GRIN2A: variants seen among roughly 807,000 people sequenced by gnomAD.
GRIN2A encodes glutamate receptor ionotropic, NMDA 2A.
Under a neutral mutation model 113.4 loss-of-function variants are expected in GRIN2A, and 22 were observed. That is an observed-to-expected ratio of 0.19 (90% CI 0.14 to 0.28). The LOEUF (loss-of-function observed/expected upper bound fraction) is 0.28. Among genes scored for constraint, GRIN2A ranks in the 10% least tolerant of loss-of-function variants. GRIN2A has a pLI of 1.00. For synonymous variants in GRIN2A, 827 were observed against 738.4 expected (o/e 1.12, Z -1.94); for missense variants, 1,502 against 1,887.0 (o/e 0.80, Z 3.78).
At chr16:9,980,447 C>G (rs911115407) in intron 2 of GRIN2A, among the ~76,000 whole-genome samples, 15 of 152,174 alleles carry the variant, frequency 9.9e-5, no homozygotes, top group Non-Finnish European at 2.1e-4. Flanking sequence ...CAGGGATCTA[C>G]AACTAGAAAT....
chr16:10,129,987 C>T (rs1285363106), intron 2 of GRIN2A, among the ~76,000 whole-genome samples: 3 of 152,102 alleles, frequency 2.0e-5, no homozygotes, highest in African/African-American at 7.2e-5. Flanking sequence ...CTGATGGTTT[C>T]TACATAGCAG....
At chr16:10,063,834 C>A (rs1464605986) in intron 2 of GRIN2A, among the ~76,000 whole-genome samples, 1 of 152,128 alleles carries the variant, frequency 6.6e-6, no homozygotes, top group African/African-American at 2.4e-5. Context: ...CAGTAGCCTT[C>A]ATTTCTTGCA....
intron 2 of GRIN2A, among the ~76,000 whole-genome samples, chr16:10,051,033 T>C (rs1362099123): frequency 6.6e-6 from 1 of 152,166 alleles, no homozygotes; most frequent in Non-Finnish European, 1.5e-5. Context: ...CTCGAGAGCA[T>C]GTCCCAGGCC....
At chr16:10,173,041 C>A (rs1261647366) in intron 2 of GRIN2A, among the ~76,000 whole-genome samples, 1 of 152,178 alleles carries the variant, frequency 6.6e-6, no homozygotes, top group Non-Finnish European at 1.5e-5. Flanking sequence ...CTCTTCAGGG[C>A]CCAAACGATT....
chr16:9,808,429 C>T (rs919436335), intron 10 of GRIN2A, among the ~76,000 whole-genome samples: 1 of 152,114 alleles, frequency 6.6e-6, no homozygotes, highest in Non-Finnish European at 1.5e-5. Flanking sequence ...CACAGGAGGA[C>T]TGAAAGACAG....
At chr16:10,110,121 T>C (rs553010110) in intron 2 of GRIN2A, among the ~76,000 whole-genome samples, 26 of 151,918 alleles carry the variant, frequency 1.7e-4, no homozygotes, top group African/African-American at 5.3e-4. Flanking sequence ...CTCATTGTTA[T>C]TAAATAAAAA....
At chr16:9,772,711 C>T (rs1901345751) in intron 11 of GRIN2A, among the ~76,000 whole-genome samples, 1 of 152,120 alleles carries the variant, frequency 6.6e-6, no homozygotes, top group African/African-American at 2.4e-5. Context: ...AATGGGTCTT[C>T]TCACTATGAC....
Position 9,950,479 on chromosome 16 carries a change from C to G in GRIN2A, c.415-11928G>C, listed in dbSNP as rs535659950. On this transcript the variant is annotated intron_variant, in intron 2 of 12. Transcript: ENST00000330684. ...GATGTGGGTACCTGGAGACCCACAT[C>G]TTATTGCTCCTTCTAGGTATCCAAA... Among the ~76,000 whole-genome samples, 5 of 152,272 alleles carry G rather than the reference C, an allele frequency of 3.3e-5. No homozygotes were observed. In the East Asian group the frequency reaches 7.7e-4, roughly 24 times the overall value.
At chr16:9,947,977 C>T (rs1217720925) in intron 2 of GRIN2A, among the ~76,000 whole-genome samples, 1 of 152,166 alleles carries the variant, frequency 6.6e-6, no homozygotes, top group Non-Finnish European at 1.5e-5. Flanking sequence ...AACCCACAAA[C>T]ACAGCACTAA....
chr16:9,976,559 C>T lies in GRIN2A; in HGVS notation c.415-38008G>A, dbSNP rs545650586. Among the ~76,000 whole-genome samples the T allele has an allele frequency of 4.6e-5, 7 of 152,324 alleles. No individual in the cohort carries two copies. The South Asian group carries it at 1.2e-3, about 27-fold the overall frequency. On this transcript the variant is annotated intron_variant, in intron 2 of 12. Coordinates refer to ENST00000330684, the MANE Select transcript of GRIN2A (RefSeq NM_001134407.3). ...AAACCCAACAGAAAACTGCAAGCTCCAGGACCCTGAACCAACTGAGACTCA... is the reference window on the plus strand; with the variant it reads ...AAACCCAACAGAAAACTGCAAGCTCTAGGACCCTGAACCAACTGAGACTCA...
chr16:9,757,319 ACT>A lies in GRIN2A; in HGVS notation c.*5828_*5829del. 4.5e-6 allele frequency: 1 copy of A among 220,894 alleles called. No individual in the cohort carries two copies. Among genetic ancestry groups the A allele is most frequent in the Non-Finnish European group, 9.0e-6 (1 of 110,924 alleles). 13.7% of individuals were successfully genotyped at this position (220,894 alleles called of 1,614,324 possible). A position where few individuals can be genotyped will look rare whatever the true frequency, so the allele number is the denominator to read the frequency against. On this transcript the variant is annotated 3_prime_UTR_variant, in exon 13 of 13. Coordinates refer to ENST00000330684, the MANE Select transcript of GRIN2A (RefSeq NM_001134407.3). ...ATCAACTGCATTTCCGGGACCACTA[ACT>A]CTATTCTCCGGAGTTACTTAAAGGT... is the stretch of plus-strand genomic sequence containing the variant.
intron 2 of GRIN2A, among the ~76,000 whole-genome samples, chr16:9,966,825 G>T (rs1177758602): frequency 6.6e-6 from 1 of 152,102 alleles, no homozygotes; most frequent in Admixed American, 6.5e-5. Flanking sequence ...GATTCAGTAG[G>T]ATGCATATGG....
At chr16:10,129,604 A>C (rs1378846467) in intron 2 of GRIN2A, among the ~76,000 whole-genome samples, 2 of 152,182 alleles carry the variant, frequency 1.3e-5, no homozygotes, top group African/African-American at 2.4e-5. Context: ...AACAAGTGCA[A>C]AGGTGAGTGT....
At chr16:9,948,257 A>C (rs1388739291) in intron 2 of GRIN2A, among the ~76,000 whole-genome samples, 2 of 152,224 alleles carry the variant, frequency 1.3e-5, no homozygotes, top group Non-Finnish European at 2.9e-5. Context: ...TTCTATTCCC[A>C]TTCTACAGTT....
At position 10,036,534 on chromosome 16, in the gene GRIN2A, T is replaced by C. The variant is rs537618324; in HGVS notation, c.415-97983A>G. On this transcript the variant is annotated intron_variant, in intron 2 of 12. Transcript: ENST00000330684. The stretch of plus-strand genomic sequence containing the variant: ...AGTGCAGTGGCGCAATCTCGGCTCA[T>C]TGCAAACGCCATTCTCCTGCCTCAT... 2.1e-5 allele frequency among the ~76,000 whole-genome samples: 3 copies of C among 144,804 alleles called. No homozygotes were observed. The South Asian group carries it at 7.1e-4, about 34-fold the overall frequency. 95.0% of individuals were successfully genotyped at this position (144,804 alleles called of 152,430 possible).
chr16:9,947,552 C>T (rs755051486), intron 2 of GRIN2A, among the ~76,000 whole-genome samples: 10 of 152,316 alleles, frequency 6.6e-5, no homozygotes, highest in Non-Finnish European at 1.2e-4. Flanking sequence ...ACATTATCGT[C>T]GAAATGTCCA....
intron 2 of GRIN2A, among the ~76,000 whole-genome samples, chr16:9,945,879 C>G (rs938653488): frequency 1.3e-5 from 2 of 152,150 alleles, no homozygotes; most frequent in African/African-American, 4.8e-5. Flanking sequence ...ACTCTAACTT[C>G]AAATATTGTG....
intron 2 of GRIN2A, among the ~76,000 whole-genome samples, chr16:10,058,979 C>T (rs2047502995): frequency 6.6e-6 from 1 of 152,152 alleles, no homozygotes; most frequent in South Asian, 2.1e-4. Context: ...GGAGGTTCAC[C>T]TGGTGTTGGT....
At chr16:10,169,421 CATT>C (rs750428867) in intron 2 of GRIN2A, among the ~76,000 whole-genome samples, 2 of 152,174 alleles carry the variant, frequency 1.3e-5, no homozygotes, top group African/African-American at 2.4e-5. Context: ...GGATCTCTAT[CATT>C]GTTGTTTGAG....
Sources: gnomAD v4.1 joint callset for allele counts (sites outside exome capture counted in the v4.1 genomes callset) on GRCh38, gnomAD v4.1.1 for gene constraint, MANE v1.5 for transcripts, NCBI Gene and HGNC (gene_info 2026-07-23, HGNC 2026-07-21) for gene names.